Variants in BANP observed in about 807,000 individuals in gnomAD.
BANP encodes the protein BTG3 associated nuclear protein.
BANP carries 11 observed loss-of-function variants against 68.1 expected under a neutral mutation model. The ratio of observed to expected loss-of-function variants is 0.16; its 90% CI spans 0.10 to 0.27. The LOEUF (loss-of-function observed/expected upper bound fraction) is 0.27. Among genes scored for constraint, BANP ranks in the 10% least tolerant of loss-of-function variants. The pLI is 1.00. For missense variants in BANP, 504 were observed against 722.7 expected (o/e 0.70, Z 3.47); for synonymous variants, 329 against 303.2 (o/e 1.09, Z -0.88).
At position 87,984,276 on chromosome 16, in the gene BANP, G is replaced by A. The variant is rs775701963; in HGVS notation, c.362+17G>A. 19 of 1,555,404 alleles carry A rather than the reference G, an allele frequency of 1.2e-5. No homozygotes were observed. The South Asian group carries it at 2.2e-4, about 18-fold the overall frequency. ...AGTGCGATGGTAAGAACAGACCAGG[G>A]TGCCGGGGCCTTCAGGTCACTTGGG... On this transcript the variant is annotated intron_variant, in intron 4 of 13. Coordinates refer to ENST00000682872, the MANE Select transcript of BANP (RefSeq NM_001386991.1).
At position 88,027,751 on chromosome 16, in the gene BANP, G is replaced by C. The variant is rs1327411176; in HGVS notation, c.1063+101G>C. 6 of 1,402,016 alleles carry C rather than the reference G, an allele frequency of 4.3e-6. No individual in the cohort carries two copies. In the South Asian group the frequency reaches 6.1e-5, roughly 14 times the overall value. The allele number at this position is 1,402,016 out of a possible 1,614,324, so 86.8% of individuals were successfully genotyped here. On this transcript the variant is annotated intron_variant, in intron 8 of 13. Transcript: ENST00000682872. ...CAGTGCGTGGCCAGCGGCTCCACCA[G>C]TGGCCGGGAGCCGAGGCCAGAGGCT... is the stretch of plus-strand genomic sequence containing the variant.
Position 88,076,319 on chromosome 16 carries a change from G to T in BANP, c.1522-271G>T, listed in dbSNP as rs947445482. Among the ~76,000 whole-genome samples the T allele has an allele frequency of 2.0e-5, 3 of 152,162 alleles. No homozygotes were observed. The East Asian group carries it at 5.8e-4, about 29-fold the overall frequency. ...GTGGAGAGGCAGGAGCAGCTGCTGC[G>T]CCGGCCCCGGTGACGGAGTCCATGT... On this transcript the variant is annotated intron_variant, in intron 13 of 13. Transcript: ENST00000682872.
chr16:87,982,363 C>T (rs1417414969), intron 3 of BANP, among the ~76,000 whole-genome samples: 1 of 152,302 alleles, frequency 6.6e-6, no homozygotes, highest in South Asian at 2.1e-4. Context: ...CCCAAAACCC[C>T]AGGCAGAATC....
rs559099547 is a variant in BANP at position 87,986,317 on chromosome 16, T to G, written c.362+2058T>G. Among the ~76,000 whole-genome samples the G allele has an allele frequency of 6.4e-4, 98 of 152,356 alleles. 1 individual carries two copies. The highest frequency in any genetic ancestry group is 1.1e-3 in the Non-Finnish European group (78 of 68,034). On this transcript the variant is annotated intron_variant, in intron 4 of 13. Coordinates refer to ENST00000682872, the MANE Select transcript of BANP (RefSeq NM_001386991.1). ...TGCTGGGCAGGTCATTGTCACCACT[T>G]GGGAAAAGCGTTGACAAAATTGGTC... is the stretch of plus-strand genomic sequence containing the variant.
Position 87,958,730 on chromosome 16 carries a change from G to A in BANP, c.-69+7215G>A, listed in dbSNP as rs73240755. Reference sequence around the variant, plus strand: ...GAAAAAACAAGCAAAAACTATTCCCGTTAAGCCGCTTGCTTAGGGGTGACT... The same window carrying A: ...GAAAAAACAAGCAAAAACTATTCCCATTAAGCCGCTTGCTTAGGGGTGACT... On this transcript the variant is annotated intron_variant, in intron 1 of 13. Transcript: ENST00000682872. Among the ~76,000 whole-genome samples, 616 of 152,300 alleles carry A rather than the reference G, an allele frequency of 4.0e-3. 5 individuals carry two copies. The highest frequency in any genetic ancestry group is 0.014 in the African/African-American group (575 of 41,560).
chr16:87,987,079 G>A (rs1159636347), intron 4 of BANP, among the ~76,000 whole-genome samples: 3 of 152,128 alleles, frequency 2.0e-5, no homozygotes, highest in Admixed American at 6.5e-5. Flanking sequence ...ACAAGAAAAT[G>A]TAAGAATGGT....
At chr16:87,951,612 CGCCG>C (rs2056865428) in intron 1 of BANP, 97 bp downstream of exon 1, 1 of 150,102 alleles carries the variant, frequency 6.7e-6, no homozygotes, top group Non-Finnish European at 1.5e-5. Flanking sequence ...TCCTCCCGCC[CGCCG>C]GGCCGCCCGC....
intron 11 of BANP, among the ~76,000 whole-genome samples, chr16:88,046,507 C>A (rs945540671): frequency 1.3e-5 from 2 of 152,014 alleles, no homozygotes; most frequent in Admixed American, 6.6e-5. Flanking sequence ...TGGGAGTTGG[C>A]ATTGTTTATG....
intron 11 of BANP, among the ~76,000 whole-genome samples, chr16:88,041,163 C>T (rs1489813067): frequency 6.6e-6 from 1 of 152,262 alleles, no homozygotes; most frequent in African/African-American, 2.4e-5. Flanking sequence ...GTTGCTATTA[C>T]TTCTTGTAGT....
At position 88,003,844 on chromosome 16, in the gene BANP, C is replaced by T. The variant is rs890008807; in HGVS notation, c.363-451C>T. The T allele has an allele frequency of 3.4e-5, 10 of 298,496 alleles. No homozygotes were observed. Among genetic ancestry groups the T allele is most frequent in the African/African-American group, 1.3e-4 (6 of 45,324 alleles). 18.5% of individuals were successfully genotyped at this position (298,496 alleles called of 1,614,324 possible). On this transcript the variant is annotated intron_variant, in intron 4 of 13. Transcript: ENST00000682872. This position sits in a 1 kb window ranked among gnomAD's most constrained non-coding sequence, Gnocchi z 6.1. ...CGTTTTGGAATGATACCAACACTTA[C>T]GTGGTTACGAACGTTAGATCTGTCC...
chr16:88,067,949 C>G (rs1567931922), intron 12 of BANP, among the ~76,000 whole-genome samples: 1 of 152,250 alleles, frequency 6.6e-6, no homozygotes, highest in Admixed American at 6.5e-5. Flanking sequence ...GTCAATGCCC[C>G]CTCCGTCCCC....
intron 1 of BANP, among the ~76,000 whole-genome samples, chr16:87,967,708 G>T (rs1226203680): frequency 6.7e-6 from 1 of 148,814 alleles, no homozygotes; most frequent in African/African-American, 2.5e-5. Flanking sequence ...TGCAGCCTCC[G>T]CCTCCTGGGT....
intron 7 of BANP, among the ~76,000 whole-genome samples, chr16:88,021,082 G>C (rs1224230352): frequency 1.3e-5 from 2 of 152,192 alleles, no homozygotes; most frequent in Admixed American, 6.5e-5. Flanking sequence ...TGCCAACCTC[G>C]ATGGGGGTCT....
intron 12 of BANP, among the ~76,000 whole-genome samples, chr16:88,069,800 C>T (rs1432295984): frequency 6.6e-6 from 1 of 152,236 alleles, no homozygotes; most frequent in African/African-American, 2.4e-5. Context: ...ACAGTTGACC[C>T]TTGAACAACA....
chr16:87,969,204 C>G (rs748000122), intron 1 of BANP, among the ~76,000 whole-genome samples: 2 of 147,544 alleles, frequency 1.4e-5, no homozygotes, highest in Non-Finnish European at 3.0e-5. Flanking sequence ...CATTCTTTTG[C>G]TGCTAAAAAC....
At chr16:88,037,751 C>CT (rs1389561559) in intron 10 of BANP, 7 of 591,028 alleles carry the variant, frequency 1.2e-5, no homozygotes, top group African/African-American at 1.9e-5. Flanking sequence ...GAGTACAATG[C>CT]TTTTTGAGTT....
At chr16:88,034,124 G>A (rs2078792308) in intron 9 of BANP, among the ~76,000 whole-genome samples, 1 of 152,230 alleles carries the variant, frequency 6.6e-6, no homozygotes, top group South Asian at 2.1e-4. Flanking sequence ...ATGCTGTCTG[G>A]AAGAGGGAAG....
At chr16:88,016,969 A>G (rs1420174706) in intron 6 of BANP, among the ~76,000 whole-genome samples, 1 of 152,188 alleles carries the variant, frequency 6.6e-6, no homozygotes, top group Non-Finnish European at 1.5e-5. Context: ...AGACAGGGTG[A>G]CCAGCCCTGC....
chr16:87,955,081 C>G (rs979993013), intron 1 of BANP, among the ~76,000 whole-genome samples: 1 of 152,208 alleles, frequency 6.6e-6, no homozygotes, highest in African/African-American at 2.4e-5. Context: ...GACTTTGGCT[C>G]CTCGCTGGGT....
Sources: gnomAD v4.1 joint callset for allele counts (sites outside exome capture counted in the v4.1 genomes callset) on GRCh38, gnomAD v4.1.1 for gene constraint, Gnocchi (gnomAD v3.1) non-coding constraint, MANE v1.5 for transcripts, NCBI Gene and HGNC (gene_info 2026-07-23, HGNC 2026-07-21) for gene names.